The following SCCPDH variants were observed in gnomAD, a reference collection of about 807,000 sequenced individuals.
SCCPDH encodes saccharopine dehydrogenase-like oxidoreductase.
A neutral mutation model predicts 51.5 loss-of-function variants in SCCPDH; 34 were observed. The observed-to-expected ratio is 0.66, with a 90% CI of 0.50 to 0.88. The LOEUF (loss-of-function observed/expected upper bound fraction) is 0.88, where lower values mean the gene tolerates loss of function less well. Ranked by LOEUF, SCCPDH falls within the 40% of genes least tolerant of loss-of-function variation. The probability of loss-of-function intolerance (pLI) is 0.00; values close to 1 mark genes in which losing one functional copy is unlikely to be tolerated. For missense variants in SCCPDH, 464 were observed against 527.1 expected (o/e 0.88, Z 1.17); for synonymous variants, 187 against 191.3 (o/e 0.98, Z 0.19).
At chr1:246,743,980 T>C (rs2102984934) in intron 4 of SCCPDH, 96 bp from the exon 5 acceptor site, 1 of 698,018 alleles carries the variant, frequency 1.4e-6, no homozygotes, top group East Asian at 2.6e-5. Context: ...TTAGAAAAGC[T>C]AGTCCCTAAG....
At chr1:246,727,251 A>C (rs1255201002) in intron 2 of SCCPDH, among the ~76,000 whole-genome samples, 1 of 152,192 alleles carries the variant, frequency 6.6e-6, no homozygotes, top group Admixed American at 6.5e-5. Flanking sequence ...TACATCTGTG[A>C]TTGTCAGAAT....
At chr1:246,742,413 T>G (rs1668694975) in intron 4 of SCCPDH, among the ~76,000 whole-genome samples, 1 of 152,224 alleles carries the variant, frequency 6.6e-6, no homozygotes, top group South Asian at 2.1e-4. Context: ...GAAGTCAGCA[T>G]TTTAGCAAGC....
At position 246,735,973 on chromosome 1, in the gene SCCPDH, A is replaced by G; in HGVS notation, c.304-2A>G. On this transcript the variant is annotated splice_acceptor_variant, in intron 2 of 11. Coordinates refer to ENST00000366510, the MANE Select transcript of SCCPDH (RefSeq NM_016002.3). LOFTEE classifies it high-confidence loss of function. ...ACCTCTTTGTTCTTTTTGTTTCCCTAGTATCGGTTTTATGGAGAACCTGTA... is the reference window on the plus strand; with the variant it reads ...ACCTCTTTGTTCTTTTTGTTTCCCTGGTATCGGTTTTATGGAGAACCTGTA... 6.3e-7 allele frequency: 1 copy of G among 1,598,834 alleles called. No individual in the cohort carries two copies. The highest frequency in any genetic ancestry group is 8.6e-7 in the Non-Finnish European group (1 of 1,167,864).
intron 1 of SCCPDH, 77 bp from the exon 2 acceptor site, chr1:246,726,815 G>T: frequency 1.0e-6 from 1 of 983,430 alleles, no homozygotes; most frequent in South Asian, 1.4e-5. Context: ...TGCTGTCACT[G>T]ATTACTGTAA....
chr1:246,749,897 C>A (rs928821591), intron 5 of SCCPDH, among the ~76,000 whole-genome samples: 9 of 152,090 alleles, frequency 5.9e-5, no homozygotes, highest in Admixed American at 3.3e-4. Context: ...AGAAGGCAAG[C>A]GTCAAAAGTA....
chr1:246,745,564 A>T (rs1668746502), intron 5 of SCCPDH, among the ~76,000 whole-genome samples: 1 of 152,204 alleles, frequency 6.6e-6, no homozygotes, highest in Non-Finnish European at 1.5e-5. Context: ...AGAAGCTGGG[A>T]TATAGCTGAA....
intron 11 of SCCPDH, among the ~76,000 whole-genome samples, chr1:246,766,835 A>G (rs1416099050): frequency 2.6e-5 from 4 of 152,192 alleles, no homozygotes; most frequent in Non-Finnish European, 4.4e-5. Flanking sequence ...ATAATTGATT[A>G]TCTAAATTTA....
intron 4 of SCCPDH, among the ~76,000 whole-genome samples, chr1:246,742,915 T>C (rs1470397795): frequency 6.6e-6 from 1 of 152,216 alleles, no homozygotes; most frequent in East Asian, 1.9e-4. Flanking sequence ...TGTCCCCTTT[T>C]TCCTGGCTTG....
Position 246,749,241 on chromosome 1 carries a change from G to A in SCCPDH, c.564+5116G>A, listed in dbSNP as rs148089627. 2.1e-3 allele frequency among the ~76,000 whole-genome samples: 313 copies of A among 152,320 alleles called. 1 individual carries two copies. The highest frequency in any genetic ancestry group is 3.2e-3 in the Non-Finnish European group (216 of 68,042). On this transcript the variant is annotated intron_variant, in intron 5 of 11. Transcript: ENST00000366510. ...GCCTGCCTGTTGCACAAGCATAACC[G>A]TCGCTTTTGTTTAGCGTGCAAACAG...
chr1:246,724,636 G>T (rs1668359684), intron 1 of SCCPDH, 24 bp downstream of exon 1: 1 of 1,440,504 alleles, frequency 6.9e-7, no homozygotes, highest in African/African-American at 1.5e-5. Context: ...GCGGGACGGG[G>T]CTGCGCGGGC....
At chr1:246,729,216 A>T (rs1180754037) in intron 2 of SCCPDH, among the ~76,000 whole-genome samples, 1 of 152,244 alleles carries the variant, frequency 6.6e-6, no homozygotes, top group Non-Finnish European at 1.5e-5. Flanking sequence ...CCCGCTGGGC[A>T]CGCACTGTCA....
intron 2 of SCCPDH, among the ~76,000 whole-genome samples, chr1:246,728,307 TC>T (rs1436145664): frequency 6.6e-6 from 1 of 152,212 alleles, no homozygotes; most frequent in African/African-American, 2.4e-5. Context: ...TGATTTAGAT[TC>T]ATCTCATTCT....
At chr1:246,743,465 C>T (rs941075410) in intron 4 of SCCPDH, among the ~76,000 whole-genome samples, 1 of 152,026 alleles carries the variant, frequency 6.6e-6, no homozygotes, top group Non-Finnish European at 1.5e-5. Context: ...CGCCTGTAAT[C>T]CCAGCTACTT....
At chr1:246,759,259 T>TA (rs1668977770) in intron 7 of SCCPDH, 108 bp downstream of exon 7, 3 of 680,458 alleles carry the variant, frequency 4.4e-6, no homozygotes, top group Non-Finnish European at 8.0e-6. Context: ...AGCTAAGTAA[T>TA]ACATGTTTCA....
In SCCPDH at chr1:246,766,054, G is replaced by T; in HGVS notation, c.1103-4G>T. The T allele has an allele frequency of 3.8e-6, 6 of 1,599,418 alleles. No individual in the cohort carries two copies. The highest frequency in any genetic ancestry group is 5.1e-6 in the Non-Finnish European group (6 of 1,173,056). On this transcript the variant is annotated splice_region_variant and splice_polypyrimidine_tract_variant and intron_variant, in intron 10 of 11. Transcript: ENST00000366510. ...CTTTTTCCCTGATCAACTGTTTTCT[G>T]CAGAGGCTGGCTATGTGGCTACCCC...
intron 3 of SCCPDH, among the ~76,000 whole-genome samples, chr1:246,737,431 A>G (rs917408498): frequency 1.3e-5 from 2 of 152,020 alleles, no homozygotes; most frequent in Non-Finnish European, 2.9e-5. Context: ...GCAATGAGCT[A>G]TGATCATGCC....
intron 7 of SCCPDH, 47 bp from the exon 8 acceptor site, chr1:246,759,910 C>T: frequency 6.3e-7 from 1 of 1,575,880 alleles, no homozygotes. Context: ...TTACTTGGTC[C>T]AAAATGTAGG....
intron 2 of SCCPDH, among the ~76,000 whole-genome samples, chr1:246,729,423 C>T (rs1192447140): frequency 6.6e-6 from 1 of 152,148 alleles, no homozygotes; most frequent in African/African-American, 2.4e-5. Context: ...CCTGGGAATG[C>T]ATTCCTTTCC....
At chr1:246,747,139 C>T (rs1478629139) in intron 5 of SCCPDH, among the ~76,000 whole-genome samples, 1 of 152,018 alleles carries the variant, frequency 6.6e-6, no homozygotes, top group Admixed American at 6.5e-5. Context: ...TCTTTTTTTC[C>T]CCTCTTGTTT....
Sources: gnomAD v4.1 joint callset for allele counts (sites outside exome capture counted in the v4.1 genomes callset) on GRCh38, gnomAD v4.1.1 for gene constraint, MANE v1.5 for transcripts, NCBI Gene and HGNC (gene_info 2026-07-23, HGNC 2026-07-21) for gene names.